Variants in SRPK2 observed in about 807,000 individuals in gnomAD.
The protein encoded by SRPK2 is SFRS protein kinase 2.
In SRPK2, 21 loss-of-function variants were observed where a neutral mutation model predicts 90.8. The observed-to-expected ratio is 0.23, with a 90% CI of 0.16 to 0.33. SRPK2 has a LOEUF of 0.33. Among genes scored for constraint, SRPK2 ranks in the 10% least tolerant of loss-of-function variants. The probability of loss-of-function intolerance (pLI) is 1.00; values close to 1 mark genes in which losing one functional copy is unlikely to be tolerated. For missense variants in SRPK2, 620 were observed against 869.0 expected (o/e 0.71, Z 3.60); for synonymous variants, 288 against 311.1 (o/e 0.93, Z 0.78).
intron 2 of SRPK2, among the ~76,000 whole-genome samples, chr7:105,226,356 T>C (rs1798710555): frequency 6.6e-6 from 1 of 152,074 alleles, no homozygotes; most frequent in Middle Eastern, 3.2e-3. Context: ...GTGGCACAAA[T>C]TCAGCTCACC....
chr7:105,176,683 G>C (rs1019245758), intron 3 of SRPK2, among the ~76,000 whole-genome samples: 6 of 125,314 alleles, frequency 4.8e-5, no homozygotes, highest in African/African-American at 1.9e-4. Flanking sequence ...GTATGCATGT[G>C]TGTGTGTACA....
intron 2 of SRPK2, among the ~76,000 whole-genome samples, chr7:105,232,697 A>T (rs949648250): frequency 4.5e-5 from 4 of 89,524 alleles, no homozygotes; most frequent in African/African-American, 1.3e-4. Context: ...TCTCCCCATT[A>T]AAAAAAACAA....
chr7:105,179,556 G>C (rs1792455025), intron 3 of SRPK2, among the ~76,000 whole-genome samples: 1 of 152,182 alleles, frequency 6.6e-6, no homozygotes, highest in South Asian at 2.1e-4. Flanking sequence ...CAGGGATGGT[G>C]GCTAATGTCT....
intron 11 of SRPK2, among the ~76,000 whole-genome samples, chr7:105,140,227 A>T (rs1157902068): frequency 6.6e-6 from 1 of 152,178 alleles, no homozygotes; most frequent in African/African-American, 2.4e-5. Context: ...CAAAGATGTA[A>T]AACCCATGGA....
intron 11 of SRPK2, among the ~76,000 whole-genome samples, chr7:105,137,840 T>C (rs1399659181): frequency 6.6e-6 from 1 of 152,342 alleles, no homozygotes; most frequent in East Asian, 1.9e-4. Flanking sequence ...AACTCTTCAT[T>C]GTTTCTCTTG....
At chr7:105,379,182 C>T (rs1001028341) in intron 2 of SRPK2, among the ~76,000 whole-genome samples, 1 of 151,382 alleles carries the variant, frequency 6.6e-6, no homozygotes, top group African/African-American at 2.4e-5. Context: ...TAAAGTCAGC[C>T]CTCTGAAACT....
At chr7:105,294,863 G>A (rs941861059) in intron 2 of SRPK2, among the ~76,000 whole-genome samples, 1 of 152,044 alleles carries the variant, frequency 6.6e-6, no homozygotes, top group African/African-American at 2.4e-5. Context: ...TATGGCTGAT[G>A]CCCAGAATCT....
At chr7:105,219,701 C>T (rs1797873810) in intron 2 of SRPK2, among the ~76,000 whole-genome samples, 1 of 152,182 alleles carries the variant, frequency 6.6e-6, no homozygotes, top group Non-Finnish European at 1.5e-5. Flanking sequence ...ATGCCTAATG[C>T]TTGGTAAACT....
intron 2 of SRPK2, among the ~76,000 whole-genome samples, chr7:105,237,235 T>C (rs1800251225): frequency 6.6e-6 from 1 of 152,226 alleles, no homozygotes; most frequent in Non-Finnish European, 1.5e-5. Context: ...ATTTTTTATT[T>C]TGAAAAATTA....
intron 2 of SRPK2, among the ~76,000 whole-genome samples, chr7:105,373,743 T>C (rs1819975028): frequency 6.6e-6 from 1 of 151,886 alleles, no homozygotes; most frequent in South Asian, 2.1e-4. Flanking sequence ...AGCCCTCTTC[T>C]CTCCACCATC....
chr7:105,296,143 A>C (rs1033335661), intron 2 of SRPK2, among the ~76,000 whole-genome samples: 1 of 152,220 alleles, frequency 6.6e-6, no homozygotes, highest in Admixed American at 6.5e-5. Context: ...CTGTTTCCAT[A>C]AACTACTCCA....
chr7:105,217,622 A>G (rs1197336505), intron 2 of SRPK2, among the ~76,000 whole-genome samples: 2 of 152,234 alleles, frequency 1.3e-5, no homozygotes, highest in African/African-American at 4.8e-5. Context: ...TGTGTCATGA[A>G]TCTTGTGATT....
rs147523240 is a variant in SRPK2, at chr7:105,310,725, C to T, written c.71+77923G>A. Among the ~76,000 whole-genome samples, 14 of 152,242 alleles carry T rather than the reference C, an allele frequency of 9.2e-5. No homozygotes were observed. In the East Asian group the frequency reaches 2.7e-3, roughly 29 times the overall value. ...TTGGATCACCCATAATCCTACACTA[C>T]TGCTATATATTTATTTTCCATCTAG... On this transcript the variant is annotated intron_variant, in intron 2 of 15. Coordinates refer to ENST00000393651, the MANE Select transcript of SRPK2 (RefSeq NM_182692.3).
chr7:105,171,015 GAGGA>G lies in SRPK2; in HGVS notation c.230-1754_230-1751del, dbSNP rs5886349. Among the ~76,000 whole-genome samples the G allele has an allele frequency of 1.5e-3, 166 of 107,614 alleles. 2 individuals are homozygous for G. Among genetic ancestry groups the G allele is most frequent in the South Asian group, 4.8e-3 (14 of 2,926 alleles). The allele number at this position is 107,614 out of a possible 152,430, so 70.6% of individuals were successfully genotyped here. On this transcript the variant is annotated intron_variant, in intron 3 of 15. Coordinates refer to ENST00000393651, the MANE Select transcript of SRPK2 (RefSeq NM_182692.3). The stretch of plus-strand genomic sequence containing the variant: ...AGAAAGAGAAAGAAAGAAAGAAAGA[GAGGA>G]AGGAAGGAAGGAAGGAAGGAAAGGC...
chr7:105,114,969 C>G (rs1046532565), downstream of SRPK2, among the ~76,000 whole-genome samples: 11 of 152,286 alleles, frequency 7.2e-5, no homozygotes, highest in African/African-American at 2.6e-4. Flanking sequence ...CTGATAGTTT[C>G]AAACAGAATA....
intron 2 of SRPK2, chr7:105,306,494 A>C (rs555298525): frequency 1.1e-4 from 52 of 454,888 alleles, no homozygotes; most frequent in Middle Eastern, 6.5e-4. Context: ...CAAAAAAAAA[A>C]CCAACACTTC....
chr7:105,167,478 A>C lies in SRPK2; in HGVS notation c.427-14T>G. On this transcript the variant is annotated splice_polypyrimidine_tract_variant and intron_variant, in intron 5 of 15. Transcript: ENST00000393651. ...ACTTTCTCGAACCTATGCCAAGAAA[A>C]ATGAATGCAAGAACACAGGAGTTTG... The C allele has an allele frequency of 6.2e-7, 1 of 1,607,450 alleles. No homozygotes were observed. The highest frequency in any genetic ancestry group is 8.5e-7 in the Non-Finnish European group (1 of 1,174,230).
At chr7:105,289,074 G>C (rs1389213748) in intron 2 of SRPK2, among the ~76,000 whole-genome samples, 1 of 139,042 alleles carries the variant, frequency 7.2e-6, no homozygotes, top group Non-Finnish European at 1.5e-5. Flanking sequence ...GGCTAACATG[G>C]TGAAACCCCA....
rs191091753 is a variant in SRPK2, at chr7:105,218,940, T to A, written c.72-15155A>T. Among the ~76,000 whole-genome samples, 420 of 152,094 alleles carry A rather than the reference T, an allele frequency of 2.8e-3. 11 individuals are homozygous for A. The East Asian group carries it at 0.054, about 20-fold the overall frequency. ...AGGAACAAGAAATTCAACAATTTTT[T>A]TTAAAAAAATAATGAGAATAGAGAA... On this transcript the variant is annotated intron_variant, in intron 2 of 15. Transcript: ENST00000393651.
Sources: gnomAD v4.1 joint callset for allele counts (sites outside exome capture counted in the v4.1 genomes callset) on GRCh38, gnomAD v4.1.1 for gene constraint, MANE v1.5 for transcripts, NCBI Gene and HGNC (gene_info 2026-07-23, HGNC 2026-07-21) for gene names.